Variants in PRKG1 observed in about 807,000 individuals in gnomAD.
PRKG1 encodes the protein cGMP-dependent protein kinase 1.
A neutral mutation model predicts 88.1 loss-of-function variants in PRKG1; 35 were observed. The ratio of observed to expected loss-of-function variants is 0.40; its 90% confidence interval spans 0.30 to 0.53. The LOEUF is 0.53. PRKG1 is among the 20% of genes least tolerant of loss of function. PRKG1 has a pLI of 0.59. For missense variants in PRKG1, 540 were observed against 839.8 expected (o/e 0.64, Z 4.41); for synonymous variants, 303 against 292.5 (o/e 1.04, Z -0.37).
At chr10:50,993,767 A>T (rs371140816) in intron 1 of PRKG1, among the ~76,000 whole-genome samples, 7 of 152,268 alleles carry the variant, frequency 4.6e-5, no homozygotes, top group African/African-American at 1.7e-4. Context: ...GTCCACTGTC[A>T]TTCAGGATTT....
chr10:52,023,461 T>C lies in PRKG1; in HGVS notation c.763-31023T>C, dbSNP rs532459232. On this transcript the variant is annotated intron_variant, in intron 5 of 17. Transcript: ENST00000373980. ...TGGGATTGCTGGGTCAAATGGTATT[T>C]CTAGTTCTAGATCCTTGAGGAATCG... Among the ~76,000 whole-genome samples the C allele has an allele frequency of 2.0e-5, 3 of 152,332 alleles. No homozygotes were observed. In the East Asian group the frequency reaches 5.8e-4, roughly 29 times the overall value.
chr10:52,047,715 A>C lies in PRKG1; in HGVS notation c.763-6769A>C, dbSNP rs183934653. Among the ~76,000 whole-genome samples the C allele has an allele frequency of 2.6e-5, 4 of 152,142 alleles. No homozygotes were observed. In the East Asian group the frequency reaches 5.8e-4, roughly 22 times the overall value. ...TCAAGCTGTTTGATGATTCAGTTCT[A>C]CATGAAAAGGTCTTGCCTTTGGAGT... On this transcript the variant is annotated intron_variant, in intron 5 of 17. Transcript: ENST00000373980.
intron 3 of PRKG1, among the ~76,000 whole-genome samples, chr10:51,679,301 T>C (rs1840786831): frequency 6.6e-6 from 1 of 152,154 alleles, no homozygotes. Flanking sequence ...TGTTTTCCTC[T>C]TTCTTTCTTT....
At chr10:52,273,581 G>T (rs904088650) in intron 12 of PRKG1, among the ~76,000 whole-genome samples, 51 of 151,918 alleles carry the variant, frequency 3.4e-4, no homozygotes, top group African/African-American at 1.2e-3. Flanking sequence ...TCATATCTTT[G>T]TACAACAGGC....
At chr10:51,166,288 G>A (rs999411428) in intron 2 of PRKG1, among the ~76,000 whole-genome samples, 1 of 151,120 alleles carries the variant, frequency 6.6e-6, no homozygotes, top group Non-Finnish European at 1.5e-5. Context: ...TCATCCTTTT[G>A]GAAATATGCA....
At chr10:52,199,216 G>A (rs1839592616) in intron 9 of PRKG1, among the ~76,000 whole-genome samples, 1 of 151,930 alleles carries the variant, frequency 6.6e-6, no homozygotes, top group South Asian at 2.1e-4. Flanking sequence ...TTTGACCTAG[G>A]CATTTCTTTT....
Position 52,290,300 on chromosome 10 carries a change from C to T in PRKG1, c.1962+10C>T. On this transcript the variant is annotated intron_variant, in intron 17 of 17. Coordinates refer to ENST00000373980, the MANE Select transcript of PRKG1 (RefSeq NM_006258.4). ...TCCTATAATACCAAGTGTAAGTAGA[C>T]TTTCCAGCTTATAATTGTGTGACAT... 2 of 1,592,400 alleles carry T rather than the reference C, an allele frequency of 1.3e-6. No individual in the cohort carries two copies. Among genetic ancestry groups the T allele is most frequent in the Non-Finnish European group, 8.6e-7 (1 of 1,162,660 alleles).
At chr10:51,339,863 AT>A (rs1380144443) in intron 2 of PRKG1, among the ~76,000 whole-genome samples, 1 of 152,058 alleles carries the variant, frequency 6.6e-6, no homozygotes, top group East Asian at 1.9e-4. Flanking sequence ...CTCTGTAAAT[AT>A]TTTTGCTGCT....
At chr10:52,007,441 AG>A in intron 5 of PRKG1, among the ~76,000 whole-genome samples, 1 of 152,310 alleles carries the variant, frequency 6.6e-6, no homozygotes, top group South Asian at 2.1e-4. Context: ...AAATATACAA[AG>A]CAAAGAAAAC....
At chr10:51,534,753 T>A (rs1032435355) in intron 3 of PRKG1, among the ~76,000 whole-genome samples, 4 of 151,596 alleles carry the variant, frequency 2.6e-5, no homozygotes, top group African/African-American at 7.3e-5. Flanking sequence ...TAGCCAAGAA[T>A]GACAAGAAAA....
intron 3 of PRKG1, among the ~76,000 whole-genome samples, chr10:51,794,891 A>T (rs113752025): frequency 4.5e-4 from 68 of 152,242 alleles, no homozygotes; most frequent in African/African-American, 1.5e-3. Flanking sequence ...GCAGTAACTT[A>T]GCTTTTCTGA....
intron 2 of PRKG1, among the ~76,000 whole-genome samples, chr10:51,461,498 T>G (rs1282744228): frequency 6.6e-6 from 1 of 152,058 alleles, no homozygotes; most frequent in Non-Finnish European, 1.5e-5. Context: ...TAAAACAAAC[T>G]AAAATAGGGC....
At chr10:51,085,232 T>C (rs1328852686) in intron 1 of PRKG1, among the ~76,000 whole-genome samples, 1 of 152,202 alleles carries the variant, frequency 6.6e-6, no homozygotes, top group East Asian at 1.9e-4. Context: ...ATACCTACGT[T>C]ACCTAATTCA....
chr10:51,158,257 A>G (rs1247961414), intron 2 of PRKG1, among the ~76,000 whole-genome samples: 1 of 151,884 alleles, frequency 6.6e-6, no homozygotes, highest in African/African-American at 2.4e-5. Flanking sequence ...CTACATGTTA[A>G]TAAATGGTAA....
At chr10:51,492,693 C>G (rs1840737223) in intron 3 of PRKG1, among the ~76,000 whole-genome samples, 1 of 152,038 alleles carries the variant, frequency 6.6e-6, no homozygotes, top group Non-Finnish European at 1.5e-5. Context: ...AATAAAGAGT[C>G]CTATGCCTTA....
intron 1 of PRKG1, among the ~76,000 whole-genome samples, chr10:51,125,564 C>G (rs924670811): frequency 6.7e-6 from 1 of 149,220 alleles, no homozygotes; most frequent in Non-Finnish European, 1.5e-5. Flanking sequence ...TGCCTGTAAT[C>G]CCAGCTACTT....
intron 1 of PRKG1, among the ~76,000 whole-genome samples, chr10:51,075,594 A>G (rs1326129073): frequency 6.6e-6 from 1 of 152,224 alleles, no homozygotes; most frequent in Non-Finnish European, 1.5e-5. Flanking sequence ...AACGTGCATA[A>G]TGTTACTAAT....
At chr10:51,485,246 G>A (rs568862306) in intron 3 of PRKG1, among the ~76,000 whole-genome samples, 9 of 152,124 alleles carry the variant, frequency 5.9e-5, no homozygotes, top group African/African-American at 1.9e-4. Flanking sequence ...TTGGTTAACT[G>A]TAGTTACATT....
chr10:51,263,243 C>T (rs1338033684), intron 2 of PRKG1, among the ~76,000 whole-genome samples: 3 of 152,198 alleles, frequency 2.0e-5, no homozygotes, highest in Non-Finnish European at 2.9e-5. Flanking sequence ...AATTTCCTGA[C>T]TTCCTCAATC....
Sources: gnomAD v4.1 joint callset for allele counts (sites outside exome capture counted in the v4.1 genomes callset) on GRCh38, gnomAD v4.1.1 for gene constraint, MANE v1.5 for transcripts, NCBI Gene and HGNC (gene_info 2026-07-23, HGNC 2026-07-21) for gene names.